The following ITGB5 variants were observed in gnomAD, a reference collection of about 807,000 sequenced individuals.
ITGB5 encodes integrin beta-5.
Under a neutral mutation model 84.8 loss-of-function variants are expected in ITGB5, and 38 were observed. The ratio of observed to expected loss-of-function variants is 0.45; its 90% CI spans 0.35 to 0.59. ITGB5 has a LOEUF of 0.59. Ranked by LOEUF, ITGB5 falls within the 20% of genes least tolerant of loss-of-function variation. ITGB5 has a pLI of 0.01. For missense variants in ITGB5, 905 were observed against 1,034.5 expected (o/e 0.87, Z 1.72); for synonymous variants, 393 against 414.4 (o/e 0.95, Z 0.63).
At chr3:124,839,708 A>G (rs536048004) in intron 5 of ITGB5, among the ~76,000 whole-genome samples, 4 of 152,356 alleles carry the variant, frequency 2.6e-5, no homozygotes, top group Non-Finnish European at 2.9e-5. Context: ...AGTCAAAAAT[A>G]TAATTTTTCT....
At position 124,790,519 on chromosome 3, in the gene ITGB5, C is replaced by T. The variant is rs993903498; in HGVS notation, c.1693+5869G>A. Among the ~76,000 whole-genome samples the T allele has an allele frequency of 5.3e-5, 8 of 150,696 alleles. No homozygotes were observed. The East Asian group carries it at 9.8e-4, about 18-fold the overall frequency. On this transcript the variant is annotated intron_variant, in intron 10 of 14. Transcript: ENST00000296181. The stretch of plus-strand genomic sequence containing the variant: ...TTTGACTAGACAGGGTTATCAGAAC[C>T]GCCTTTGACTAGACATGGTTAACAG...
intron 2 of ITGB5, among the ~76,000 whole-genome samples, chr3:124,867,603 T>C (rs1409344062): frequency 2.0e-5 from 3 of 152,212 alleles, no homozygotes; most frequent in African/African-American, 7.2e-5. Context: ...CCCTTTCTTC[T>C]GGGGCACAAA....
At chr3:124,828,325 C>T (rs777385973) in intron 5 of ITGB5, among the ~76,000 whole-genome samples, 2 of 152,078 alleles carry the variant, frequency 1.3e-5, no homozygotes, top group Non-Finnish European at 2.9e-5. Flanking sequence ...CATATCTATG[C>T]GATGGAATAC....
rs1417504005 is a variant in ITGB5, at chr3:124,799,201, GTC to G, written c.1264-2386_1264-2385del. On this transcript the variant is annotated intron_variant, in intron 9 of 14. Transcript: ENST00000296181. ...GTTCCAAGGTCTCGAGGTACAGGGA[GTC>G]TCTCAAGGTGAGTAAAGATTCAATC... Among the ~76,000 whole-genome samples the G allele has an allele frequency of 5.9e-5, 9 of 152,210 alleles. No homozygotes were observed. In the East Asian group the frequency reaches 1.7e-3, roughly 29 times the overall value.
intron 9 of ITGB5, among the ~76,000 whole-genome samples, chr3:124,808,617 G>C (rs2064447765): frequency 6.6e-6 from 1 of 152,170 alleles, no homozygotes. Flanking sequence ...ACATTTCACA[G>C]AACGGAAAAG....
chr3:124,816,739 T>C (rs1217951519), intron 8 of ITGB5, among the ~76,000 whole-genome samples: 1 of 151,926 alleles, frequency 6.6e-6, no homozygotes, highest in East Asian at 1.9e-4. Flanking sequence ...GCTTGGGAGG[T>C]GAGTCTGTGG....
chr3:124,897,503 A>C (rs916929638), intron 1 of ITGB5, among the ~76,000 whole-genome samples: 4 of 152,138 alleles, frequency 2.6e-5, no homozygotes, highest in Admixed American at 2.0e-4. Flanking sequence ...CTTATTACTC[A>C]ACTCCCTGAG....
intron 5 of ITGB5, among the ~76,000 whole-genome samples, chr3:124,826,514 G>A (rs2064786443): frequency 6.6e-6 from 1 of 152,132 alleles, no homozygotes; most frequent in South Asian, 2.1e-4. Context: ...AATCTTCACT[G>A]CAACCTTTGT....
chr3:124,861,806 C>T (rs749707744), intron 2 of ITGB5, among the ~76,000 whole-genome samples: 19 of 152,114 alleles, frequency 1.2e-4, no homozygotes, highest in Non-Finnish European at 2.8e-4. Flanking sequence ...ATGATCTGCC[C>T]GCCTCGGCCT....
chr3:124,768,974 G>GA, intron 12 of ITGB5, 39 bp downstream of exon 12: 1 of 1,542,016 alleles, frequency 6.5e-7, no homozygotes, highest in South Asian at 1.1e-5. Context: ...CCAGGAAGGA[G>GA]AAAAACCGTG....
intron 2 of ITGB5, among the ~76,000 whole-genome samples, chr3:124,866,175 G>C (rs1454130842): frequency 1.3e-5 from 2 of 150,874 alleles, no homozygotes; most frequent in Non-Finnish European, 3.0e-5. Context: ...TAGAGATGGG[G>C]TTTCACCATG....
chr3:124,875,446 C>T (rs1204773480), intron 1 of ITGB5, among the ~76,000 whole-genome samples: 2 of 142,470 alleles, frequency 1.4e-5, no homozygotes, highest in Non-Finnish European at 3.0e-5. Context: ...CACTGCACTC[C>T]ACCCTGGGTG....
chr3:124,876,373 C>G (rs572876752), intron 1 of ITGB5, among the ~76,000 whole-genome samples: 1 of 151,348 alleles, frequency 6.6e-6, no homozygotes, highest in African/African-American at 2.4e-5. Context: ...AAAAAACAAA[C>G]CAGTATCTTG....
intron 3 of ITGB5, among the ~76,000 whole-genome samples, chr3:124,853,381 A>G (rs1163208646): frequency 6.6e-6 from 1 of 152,026 alleles, no homozygotes; most frequent in Non-Finnish European, 1.5e-5. Flanking sequence ...GGTTTAGAAC[A>G]AGGATGCCAG....
intron 9 of ITGB5, among the ~76,000 whole-genome samples, chr3:124,808,641 A>G (rs942540952): frequency 1.3e-5 from 2 of 152,232 alleles, no homozygotes; most frequent in African/African-American, 4.8e-5. Context: ...GGGTCAGATT[A>G]TCCAAGGAAC....
intron 10 of ITGB5, among the ~76,000 whole-genome samples, chr3:124,793,899 C>T (rs1579206131): frequency 1.3e-5 from 2 of 152,244 alleles, no homozygotes; most frequent in East Asian, 1.9e-4. Flanking sequence ...GCTGGTCCCA[C>T]GACGCCCATG....
At chr3:124,842,554 G>C (rs961705799) in intron 4 of ITGB5, among the ~76,000 whole-genome samples, 2 of 152,238 alleles carry the variant, frequency 1.3e-5, no homozygotes, top group African/African-American at 4.8e-5. Context: ...GGAGGTCGGG[G>C]GGCTGTGGTG....
At chr3:124,855,960 T>G (rs2065217148) in intron 3 of ITGB5, among the ~76,000 whole-genome samples, 1 of 152,194 alleles carries the variant, frequency 6.6e-6, no homozygotes, top group Non-Finnish European at 1.5e-5. Flanking sequence ...TTTTTTATTT[T>G]GGGTTCTTGT....
chr3:124,816,927 T>C (rs912941323), intron 8 of ITGB5, among the ~76,000 whole-genome samples: 6 of 152,244 alleles, frequency 3.9e-5, no homozygotes, highest in East Asian at 3.9e-4. Context: ...GGCAAAAACA[T>C]TGATTCTTTG....
Sources: allele counts gnomAD v4.1 joint callset (sites outside exome capture counted in the v4.1 genomes callset), GRCh38; gene constraint gnomAD v4.1.1; transcripts MANE v1.5; gene names NCBI Gene and HGNC (gene_info 2026-07-23, HGNC 2026-07-21).